Variants in CDH8 observed in about 807,000 individuals in gnomAD.
CDH8 encodes cadherin 8.
In CDH8, 17 loss-of-function variants were observed where a neutral mutation model predicts 68.1. The observed-to-expected ratio is 0.25, with a 90% CI of 0.17 to 0.37. CDH8 has a LOEUF of 0.37. CDH8 is among the 10% of genes least tolerant of loss of function. The probability of loss-of-function intolerance (pLI) is 1.00; values close to 1 mark genes in which losing one functional copy is unlikely to be tolerated. For synonymous variants in CDH8, 372 were observed against 365.1 expected (o/e 1.02, Z -0.21); for missense variants, 763 against 999.3 (o/e 0.76, Z 3.19).
intron 1 of CDH8, among the ~76,000 whole-genome samples, chr16:62,028,902 C>T (rs1048912825): frequency 4.6e-5 from 7 of 152,288 alleles, no homozygotes; most frequent in South Asian, 2.1e-4. Flanking sequence ...AGCCAGAGAC[C>T]TACTGAGTGA....
At chr16:61,869,596 T>C (rs1339703511) in intron 3 of CDH8, among the ~76,000 whole-genome samples, 1 of 152,190 alleles carries the variant, frequency 6.6e-6, no homozygotes, top group African/African-American at 2.4e-5. Flanking sequence ...AAAATTGGGT[T>C]TCATTTGAAA....
intron 1 of CDH8, among the ~76,000 whole-genome samples, chr16:62,026,462 G>C: frequency 6.6e-6 from 1 of 152,152 alleles, no homozygotes; most frequent in East Asian, 1.9e-4. Flanking sequence ...AGACCTCCTA[G>C]AGATAACCTA....
At chr16:62,028,167 C>A (rs1057289271) in intron 1 of CDH8, among the ~76,000 whole-genome samples, 1 of 149,394 alleles carries the variant, frequency 6.7e-6, no homozygotes, top group Non-Finnish European at 1.5e-5. Flanking sequence ...TGGGTTCAAG[C>A]AATTCTCCTG....
intron 10 of CDH8, among the ~76,000 whole-genome samples, chr16:61,697,969 T>A (rs1487423534): frequency 1.3e-5 from 2 of 152,202 alleles, no homozygotes; most frequent in African/African-American, 4.8e-5. Flanking sequence ...AACACTAGAC[T>A]TTTTTATTAT....
intron 7 of CDH8, among the ~76,000 whole-genome samples, chr16:61,800,358 A>T (rs1036594348): frequency 5.9e-5 from 9 of 152,188 alleles, no homozygotes; most frequent in African/African-American, 2.2e-4. Context: ...CATGTATTTG[A>T]TGTCCAATAA....
intron 8 of CDH8, among the ~76,000 whole-genome samples, chr16:61,746,516 T>C (rs1960024869): frequency 6.7e-6 from 1 of 150,052 alleles, no homozygotes. Flanking sequence ...CTGATGTAAG[T>C]TACCATCATA....
chr16:61,669,565 G>A lies in CDH8; in HGVS notation c.1655-13844C>T, dbSNP rs1251949128. Among the ~76,000 whole-genome samples the A allele has an allele frequency of 3.3e-5, 5 of 152,006 alleles. No homozygotes were observed. The South Asian group carries it at 1.0e-3, about 31-fold the overall frequency. On this transcript the variant is annotated intron_variant, in intron 10 of 11. Transcript: ENST00000577390. ...TTCGGTAAGTGAGGAAAATGATTAC[G>A]CATTTCAAGAAACTTCTTACCCAGA...
intron 4 of CDH8, among the ~76,000 whole-genome samples, chr16:61,828,841 T>C (rs1409908099): frequency 6.6e-6 from 1 of 151,906 alleles, no homozygotes; most frequent in Non-Finnish European, 1.5e-5. Flanking sequence ...TCAGAGATAA[T>C]AACCAGCTTC....
intron 4 of CDH8, among the ~76,000 whole-genome samples, chr16:61,843,738 G>T (rs1962737960): frequency 2.0e-5 from 3 of 152,088 alleles, no homozygotes; most frequent in Admixed American, 6.6e-5. Flanking sequence ...AATCCTTTGG[G>T]TATATACCCA....
At chr16:61,937,430 AC>A (rs1567535700) in intron 2 of CDH8, among the ~76,000 whole-genome samples, 2 of 152,200 alleles carry the variant, frequency 1.3e-5, no homozygotes, top group Non-Finnish European at 2.9e-5. Context: ...AATTTGAGAT[AC>A]AATTCAATTG....
intron 2 of CDH8, among the ~76,000 whole-genome samples, chr16:61,967,597 C>A (rs754177608): frequency 6.6e-6 from 1 of 152,024 alleles, no homozygotes; most frequent in Admixed American, 6.6e-5. Flanking sequence ...ATACATGTAG[C>A]CAGAAGACAA....
intron 5 of CDH8, among the ~76,000 whole-genome samples, chr16:61,823,733 A>G (rs1332177773): frequency 6.6e-6 from 1 of 151,892 alleles, no homozygotes; most frequent in Non-Finnish European, 1.5e-5. Context: ...CCTCATACTT[A>G]AAATGGCTTT....
chr16:62,027,364 C>T (rs898341480), intron 1 of CDH8, among the ~76,000 whole-genome samples: 5 of 152,138 alleles, frequency 3.3e-5, no homozygotes, highest in African/African-American at 9.7e-5. Context: ...TTACACCATC[C>T]GTTTTGTAAA....
intron 2 of CDH8, among the ~76,000 whole-genome samples, chr16:61,929,090 T>C (rs1398610126): frequency 6.6e-6 from 1 of 152,112 alleles, no homozygotes; most frequent in African/African-American, 2.4e-5. Flanking sequence ...TTTGTATTTT[T>C]AGTAGAGACG....
At chr16:61,706,620 CAAAAAAAAAA>C (rs781148249) in intron 10 of CDH8, among the ~76,000 whole-genome samples, 4 of 60,402 alleles carry the variant, frequency 6.6e-5, no homozygotes, top group Non-Finnish European at 1.2e-4. Context: ...GACTCTGTCT[CAAAAAAAAAA>C]AAAAAAAAAA....
intron 2 of CDH8, among the ~76,000 whole-genome samples, chr16:61,943,396 C>G (rs1208567602): frequency 1.3e-5 from 2 of 152,210 alleles, no homozygotes; most frequent in African/African-American, 4.8e-5. Flanking sequence ...TTTTCATCAG[C>G]TAGATTCTAA....
At chr16:62,031,456 G>A (rs1255513119) in intron 1 of CDH8, among the ~76,000 whole-genome samples, 2 of 151,848 alleles carry the variant, frequency 1.3e-5, no homozygotes, top group South Asian at 2.1e-4. Flanking sequence ...ATTTCTTATC[G>A]CATAAAATAA....
intron 7 of CDH8, among the ~76,000 whole-genome samples, chr16:61,791,230 A>G (rs571839164): frequency 2.3e-4 from 35 of 152,134 alleles, no homozygotes; most frequent in African/African-American, 8.4e-4. Context: ...GAAGAAATTC[A>G]GAGAGAATTT....
intron 7 of CDH8, among the ~76,000 whole-genome samples, chr16:61,792,988 T>G (rs1961413654): frequency 6.6e-6 from 1 of 151,958 alleles, no homozygotes; most frequent in Non-Finnish European, 1.5e-5. Context: ...ATACATATGT[T>G]GATATCCTAA....
Sources: gnomAD v4.1 joint callset for allele counts (sites outside exome capture counted in the v4.1 genomes callset) on GRCh38, gnomAD v4.1.1 for gene constraint, MANE v1.5 for transcripts, NCBI Gene and HGNC (gene_info 2026-07-23, HGNC 2026-07-21) for gene names.